The following SASS6 variants were observed in gnomAD, a reference collection of about 807,000 sequenced individuals.
SASS6 encodes SAS-6 centriolar assembly protein, also known as spindle assembly abnormal protein 6 homolog.
SASS6 carries 59 observed loss-of-function variants against 94.9 expected under a neutral mutation model. The observed-to-expected ratio is 0.62, with a 90% CI of 0.50 to 0.77. SASS6 has a LOEUF of 0.77. Among genes scored for constraint, SASS6 ranks in the 30% least tolerant of loss-of-function variants. The probability of loss-of-function intolerance (pLI) is 0.00; values close to 1 mark genes in which losing one functional copy is unlikely to be tolerated. For synonymous variants in SASS6, 264 were observed against 270.0 expected, an observed-to-expected ratio of 0.98 and a Z score of 0.22; for missense variants, 698 against 734.1, an observed-to-expected ratio of 0.95 and a Z score of 0.57.
intron 1 of SASS6, 145 bp from the exon 2 acceptor site, chr1:100,126,087 G>A (rs1011428607): frequency 1.6e-5 from 9 of 556,592 alleles, no homozygotes; most frequent in South Asian, 8.0e-5. Flanking sequence ...AAAGCACACC[G>A]GATTTGAAGC....
intron 1 of SASS6, among the ~76,000 whole-genome samples, chr1:100,127,204 A>G (rs1306067446): frequency 2.6e-5 from 4 of 152,256 alleles, no homozygotes; most frequent in African/African-American, 9.6e-5. Context: ...CCAGAATTAA[A>G]TAACAATGGC....
rs544644254 is a variant in SASS6 at position 100,113,464 on chromosome 1, C to T, written c.670-2981G>A. Among the ~76,000 whole-genome samples the T allele has an allele frequency of 2.0e-5, 3 of 151,422 alleles. No individual in the cohort carries two copies. The East Asian group carries it at 5.9e-4, about 30-fold the overall frequency. ...TCTACTAAAAAGACAAAAAAAAGTACAAAAAAATCAGCCAGGCGTGGTGGC... is the reference window on the plus strand; with the variant it reads ...TCTACTAAAAAGACAAAAAAAAGTATAAAAAAATCAGCCAGGCGTGGTGGC... On this transcript the variant is annotated intron_variant, in intron 7 of 16. Transcript: ENST00000287482.
chr1:100,091,749 T>C (rs1310360326), intron 14 of SASS6, among the ~76,000 whole-genome samples: 3 of 149,008 alleles, frequency 2.0e-5, no homozygotes, highest in African/African-American at 4.9e-5. Flanking sequence ...GGCGGATCAA[T>C]AGAAATAATC....
At chr1:100,094,282 T>C (rs1405018907) in intron 14 of SASS6, among the ~76,000 whole-genome samples, 1 of 152,082 alleles carries the variant, frequency 6.6e-6, no homozygotes, top group African/African-American at 2.4e-5. Context: ...AAACATTCTA[T>C]AGGTATTGAA....
At chr1:100,103,119 A>G (rs1382504602) in intron 13 of SASS6, 36 bp from the exon 14 acceptor site, 1 of 1,383,186 alleles carries the variant, frequency 7.2e-7, no homozygotes, top group Non-Finnish European at 1.0e-6. Context: ...TAAAGATGAT[A>G]AATTAATTCT....
chr1:100,097,476 C>G (rs577257374), intron 14 of SASS6, among the ~76,000 whole-genome samples: 1 of 152,260 alleles, frequency 6.6e-6, no homozygotes, highest in African/African-American at 2.4e-5. Context: ...AAGAAAAGAA[C>G]TACTGACACA....
chr1:100,107,304 T>C, intron 11 of SASS6, 70 bp downstream of exon 11: 1 of 956,504 alleles, frequency 1.0e-6, no homozygotes, highest in Non-Finnish European at 1.6e-6. Context: ...TTTGTTAATG[T>C]AACAAAGCAT....
At chr1:100,117,192 T>G (rs1653853698) in intron 7 of SASS6, among the ~76,000 whole-genome samples, 1 of 150,786 alleles carries the variant, frequency 6.6e-6, no homozygotes, top group Admixed American at 6.6e-5. Context: ...CTTGGGAGGC[T>G]GAGGTAGGAG....
rs1300866740 is a variant in SASS6 at position 100,085,332 on chromosome 1, CTG to C, written c.1968_1969del (p.Asn656LysfsTer20). On this transcript the variant is annotated frameshift_variant, in exon 17 of 17. Coordinates refer to ENST00000287482, the MANE Select transcript of SASS6 (RefSeq NM_194292.3). LOFTEE classifies it high-confidence loss of function. ...AAGTAAAACATGACACTAGAATTAA[CTG>C]TTTGGTAACTGCCCAGGGAAATAGG... The C allele has an allele frequency of 6.3e-7, 1 of 1,598,010 alleles. No homozygotes were observed. Among genetic ancestry groups the C allele is most frequent in the Non-Finnish European group, 8.6e-7 (1 of 1,165,568 alleles).
chr1:100,103,152 G>T, intron 13 of SASS6, 69 bp from the exon 14 acceptor site: 1 of 993,222 alleles, frequency 1.0e-6, no homozygotes, highest in Non-Finnish European at 1.5e-6. Flanking sequence ...TTGATCAGGT[G>T]GCATTAGCAT....
intron 1 of SASS6, among the ~76,000 whole-genome samples, chr1:100,132,222 T>C (rs1295186210): frequency 2.0e-5 from 3 of 152,232 alleles, no homozygotes; most frequent in Non-Finnish European, 4.4e-5. Flanking sequence ...TTCTCATTTT[T>C]AGTCGGTTAA....
chr1:100,086,231 A>G (rs2101633920), intron 15 of SASS6, among the ~76,000 whole-genome samples: 1 of 152,318 alleles, frequency 6.6e-6, no homozygotes, highest in East Asian at 1.9e-4. Context: ...AGGCTCTTGC[A>G]AAACAATGAG....
chr1:100,127,351 G>A (rs1654687002), intron 1 of SASS6, among the ~76,000 whole-genome samples: 1 of 152,160 alleles, frequency 6.6e-6, no homozygotes, highest in Admixed American at 6.5e-5. Context: ...AGTATAAACA[G>A]CAATTGAGTA....
In SASS6 at chr1:100,103,011, T is replaced by C. The variant is rs772491814; in HGVS notation, c.1618A>G (p.Thr540Ala). Residue 540 changes from threonine (T) to alanine (A), a missense_variant, in exon 14 of 17, where the codon ACC becomes GCC. Physicochemically the swap from Thr to Ala is moderately conservative, Grantham distance 58. Transcript: ENST00000287482. ...TTGGCAGATATCGAATGAGGGAAGGTATTCTGGAATGCAAATGCAGAGGAG... is the reference window on the plus strand; with the variant it reads ...TTGGCAGATATCGAATGAGGGAAGGCATTCTGGAATGCAAATGCAGAGGAG... ...PVSSAFAFQNTFPHSISAKNT... is the reference protein window; with the variant it reads ...PVSSAFAFQNAFPHSISAKNT... 2 of 1,610,162 alleles carry C rather than the reference T, an allele frequency of 1.2e-6. No individual in the cohort carries two copies. The highest frequency in any genetic ancestry group is 4.5e-5 in the East Asian group (2 of 44,846).
intron 15 of SASS6, among the ~76,000 whole-genome samples, chr1:100,086,230 C>G (rs1174051689): frequency 3.3e-5 from 5 of 152,080 alleles, no homozygotes; most frequent in Non-Finnish European, 7.4e-5. Context: ...AAGGCTCTTG[C>G]AAAACAATGA....
Position 100,085,614 on chromosome 1 carries a change from A to G in SASS6, c.1789T>C (p.Leu597=), listed in dbSNP as rs1264587689. The G allele has an allele frequency of 3.1e-6, 5 of 1,608,678 alleles. No homozygotes were observed. The change falls in exon 16 of 17, where the codon TTG becomes CTG. Residue 597 remains leucine, a synonymous_variant. Transcript: ENST00000287482. ...CTTTTCTTCAGGTATTTGGATTCCA[A>G]CCCTACATTTTCACCACTTAAAAAG... ...TDKENGENVG[L]ESKYLKKRED...
At chr1:100,125,405 G>A (rs1234106774) in intron 2 of SASS6, among the ~76,000 whole-genome samples, 3 of 151,564 alleles carry the variant, frequency 2.0e-5, no homozygotes, top group Non-Finnish European at 4.4e-5. Flanking sequence ...TATAGGCCGG[G>A]CACAGTGGTT....
intron 1 of SASS6, among the ~76,000 whole-genome samples, chr1:100,131,861 G>A (rs1176247198): frequency 6.6e-6 from 1 of 151,930 alleles, no homozygotes; most frequent in African/African-American, 2.4e-5. Flanking sequence ...ACGTGAATAC[G>A]CAAAAGATTT....
intron 1 of SASS6, among the ~76,000 whole-genome samples, chr1:100,128,803 A>T (rs1654809079): frequency 1.3e-5 from 2 of 151,852 alleles, no homozygotes; most frequent in African/African-American, 4.8e-5. Flanking sequence ...AAGTATTCTA[A>T]ACATCAGGCT....
Sources: allele counts gnomAD v4.1 joint callset (sites outside exome capture counted in the v4.1 genomes callset), GRCh38; gene constraint gnomAD v4.1.1; transcripts MANE v1.5; gene names NCBI Gene and HGNC (gene_info 2026-07-23, HGNC 2026-07-21).